The following GRM5 variants were observed in gnomAD, a reference collection of about 807,000 sequenced individuals.
GRM5 encodes the protein glutamate metabotropic receptor 5.
Under a neutral mutation model 83.1 loss-of-function variants are expected in GRM5, and 19 were observed. The observed-to-expected ratio is 0.23, with a 90% confidence interval of 0.16 to 0.34. GRM5 has a LOEUF of 0.34. GRM5 is among the 10% of genes least tolerant of loss of function. The pLI is 1.00. For synonymous variants in GRM5, 675 were observed against 633.6 expected (o/e 1.07, Z -0.98); for missense variants, 1,160 against 1,588.3 (o/e 0.73, Z 4.58).
chr11:89,007,087 G>A (rs992542255), intron 2 of GRM5, among the ~76,000 whole-genome samples: 1 of 152,190 alleles, frequency 6.6e-6, no homozygotes, highest in Admixed American at 6.5e-5. Flanking sequence ...GTGAGCCACG[G>A]CGCCCGGCCC....
At chr11:88,942,299 G>T (rs559364999) in intron 2 of GRM5, among the ~76,000 whole-genome samples, 60 of 152,154 alleles carry the variant, frequency 3.9e-4, no homozygotes, top group African/African-American at 1.4e-3. Context: ...AGGGAAGTGT[G>T]TGGTAAGATG....
chr11:88,635,616 C>T (rs7396870), intron 4 of GRM5, among the ~76,000 whole-genome samples: 151,412 of 152,318 alleles, frequency 0.99, 75,264 homozygotes, highest in East Asian at 1. Flanking sequence ...TGCAAATATT[C>T]TCTTCCATTC....
intron 3 of GRM5, among the ~76,000 whole-genome samples, chr11:88,690,974 G>C (rs1940767013): frequency 6.6e-6 from 1 of 152,150 alleles, no homozygotes; most frequent in Non-Finnish European, 1.5e-5. Flanking sequence ...CCAGCCTATG[G>C]ATCAATTTTT....
intron 2 of GRM5, among the ~76,000 whole-genome samples, chr11:88,986,922 T>A (rs1205661239): frequency 1.3e-5 from 2 of 152,044 alleles, no homozygotes; most frequent in Non-Finnish European, 2.9e-5. Flanking sequence ...GCATGGTGGC[T>A]CATGCCTGTA....
chr11:88,571,043 C>G (rs1042981435), intron 7 of GRM5, among the ~76,000 whole-genome samples: 2 of 152,002 alleles, frequency 1.3e-5, no homozygotes, highest in African/African-American at 4.8e-5. Flanking sequence ...TTTTCATTAC[C>G]TAAAAGAATG....
chr11:89,025,724 A>G (rs536880829), intron 2 of GRM5, among the ~76,000 whole-genome samples: 2 of 152,300 alleles, frequency 1.3e-5, no homozygotes, highest in African/African-American at 2.4e-5. Context: ...AAAAGAATAC[A>G]TTGCTGGTAG....
chr11:88,583,521 A>G (rs1169245668), intron 7 of GRM5, among the ~76,000 whole-genome samples: 1 of 152,236 alleles, frequency 6.6e-6, no homozygotes, highest in African/African-American at 2.4e-5. Flanking sequence ...TTCCTGTCAT[A>G]GGACTTCCCA....
chr11:88,625,362 T>C (rs1393362129), intron 4 of GRM5, among the ~76,000 whole-genome samples: 1 of 152,150 alleles, frequency 6.6e-6, no homozygotes, highest in African/African-American at 2.4e-5. Flanking sequence ...GAATCCATAG[T>C]ACCTCTGCAC....
At chr11:88,885,167 C>T (rs558628003) in intron 2 of GRM5, among the ~76,000 whole-genome samples, 22 of 151,780 alleles carry the variant, frequency 1.4e-4, no homozygotes, top group Admixed American at 5.9e-4. Context: ...TTTTTAGGCT[C>T]TAGTTTAAAT....
At chr11:88,947,136 C>A (rs1210808631) in intron 2 of GRM5, among the ~76,000 whole-genome samples, 1 of 152,072 alleles carries the variant, frequency 6.6e-6, no homozygotes, top group African/African-American at 2.4e-5. Flanking sequence ...TGAGAGGTTG[C>A]AATGAGAATT....
At chr11:88,793,827 CGTTT>C (rs1384144327) in intron 3 of GRM5, among the ~76,000 whole-genome samples, 1 of 149,970 alleles carries the variant, frequency 6.7e-6, no homozygotes, top group African/African-American at 2.5e-5. Flanking sequence ...TTTGTTTGTT[CGTTT>C]GTTTGTTTTT....
intron 3 of GRM5, among the ~76,000 whole-genome samples, chr11:88,740,375 T>A (rs901552155): frequency 6.6e-6 from 1 of 152,088 alleles, no homozygotes; most frequent in African/African-American, 2.4e-5. Flanking sequence ...TCATGGATGT[T>A]TGTTCAACTA....
chr11:88,946,420 A>G lies in GRM5; in HGVS notation c.662-96265T>C, dbSNP rs183884832. Among the ~76,000 whole-genome samples, 755 of 152,264 alleles carry G rather than the reference A, an allele frequency of 5.0e-3. 2 individuals carry two copies. Among genetic ancestry groups the G allele is most frequent in the Non-Finnish European group, 9.1e-3 (616 of 68,002 alleles). ...AACAAAACCAATCTTTCTACCCAAA[A>G]GACATATGCACTTGAATGTTCTTTG... On this transcript the variant is annotated intron_variant, in intron 2 of 9. Coordinates refer to ENST00000305447, the MANE Select transcript of GRM5 (RefSeq NM_001143831.3).
intron 2 of GRM5, among the ~76,000 whole-genome samples, chr11:88,893,981 G>C (rs1264867660): frequency 1.3e-5 from 2 of 151,974 alleles, no homozygotes; most frequent in African/African-American, 4.8e-5. Flanking sequence ...TACTAACAAA[G>C]AGTAGCCTGT....
At chr11:89,051,296 G>A (rs1190354797) in intron 1 of GRM5, among the ~76,000 whole-genome samples, 2 of 151,230 alleles carry the variant, frequency 1.3e-5, no homozygotes, top group African/African-American at 4.9e-5. Context: ...TGAAATAAAG[G>A]CAGTCACGTA....
intron 3 of GRM5, among the ~76,000 whole-genome samples, chr11:88,655,338 C>T (rs760844980): frequency 6.6e-6 from 1 of 152,096 alleles, no homozygotes; most frequent in Non-Finnish European, 1.5e-5. Flanking sequence ...GTGTGGGTCT[C>T]ATTGGCACTC....
chr11:88,949,802 T>C (rs1190710920), intron 2 of GRM5, among the ~76,000 whole-genome samples: 2 of 152,188 alleles, frequency 1.3e-5, no homozygotes, highest in Non-Finnish European at 2.9e-5. Flanking sequence ...ACAATAAGAA[T>C]ACAATCATTA....
intron 2 of GRM5, among the ~76,000 whole-genome samples, chr11:89,035,114 A>C (rs1249188813): frequency 9.9e-5 from 15 of 151,720 alleles, no homozygotes; most frequent in Non-Finnish European, 2.2e-4. Context: ...AGTAGAATTC[A>C]ATTTTATTAC....
chr11:88,585,530 C>A (rs1410072684), intron 7 of GRM5, among the ~76,000 whole-genome samples: 2 of 152,198 alleles, frequency 1.3e-5, no homozygotes, highest in African/African-American at 2.4e-5. Flanking sequence ...TGTCTCATTT[C>A]TCCCTTATAC....
Sources: gnomAD v4.1 joint callset for allele counts (sites outside exome capture counted in the v4.1 genomes callset) on GRCh38, gnomAD v4.1.1 for gene constraint, MANE v1.5 for transcripts, NCBI Gene and HGNC (gene_info 2026-07-23, HGNC 2026-07-21) for gene names.